Variants in RNF220 observed in about 807,000 individuals in gnomAD.
RNF220 encodes ring finger protein 220.
A neutral mutation model predicts 67.1 loss-of-function variants in RNF220; 7 were observed. That is an observed-to-expected ratio of 0.10 (90% CI 0.06 to 0.20). The LOEUF (loss-of-function observed/expected upper bound fraction) is 0.20. Ranked by LOEUF, RNF220 falls within the 10% of genes least tolerant of loss-of-function variation. The probability of loss-of-function intolerance (pLI) is 1.00; values close to 1 mark genes in which losing one functional copy is unlikely to be tolerated. For synonymous variants in RNF220, 270 were observed against 283.2 expected (o/e 0.95, Z 0.47); for missense variants, 565 against 740.3 (o/e 0.76, Z 2.75).
chr1:44,566,816 C>A (rs1241239306), intron 2 of RNF220, among the ~76,000 whole-genome samples: 1 of 152,184 alleles, frequency 6.6e-6, no homozygotes, highest in African/African-American at 2.4e-5. Context: ...CCTTGGAGGT[C>A]ACCCCAGTGA....
intron 2 of RNF220, among the ~76,000 whole-genome samples, chr1:44,472,887 C>CCTTGCCTTTCTCCCTCTGATCCTT (rs1553226533): frequency 1.3e-5 from 2 of 152,192 alleles, no homozygotes; most frequent in Admixed American, 1.3e-4. Context: ...CTCCCTGCCA[C>CCTTGCCTTTCTCCCTCTGATCCTT]CTTGCCTTTC....
rs145307491 is a variant in RNF220, at chr1:44,447,484, C to G, written c.625+34762C>G. Among the ~76,000 whole-genome samples, 501 of 152,334 alleles carry G rather than the reference C, an allele frequency of 3.3e-3. 4 individuals carry two copies. The highest frequency in any genetic ancestry group is 0.012 in the African/African-American group (485 of 41,564). ...ATGTTCTGGATTATTTAGCACCCTT[C>G]TAAATGGTCTTTTGCTTCCAGTCTT... On this transcript the variant is annotated intron_variant, in intron 2 of 14. Coordinates refer to ENST00000361799, the MANE Select transcript of RNF220 (RefSeq NM_018150.4).
At chr1:44,409,354 A>G (rs1201022259) in intron 1 of RNF220, among the ~76,000 whole-genome samples, 1 of 152,372 alleles carries the variant, frequency 6.6e-6, no homozygotes, top group East Asian at 1.9e-4. Context: ...TGTTTAGTTA[A>G]TTCAACAAAG....
At chr1:44,418,281 A>G (rs1648807646) in intron 2 of RNF220, among the ~76,000 whole-genome samples, 1 of 152,036 alleles carries the variant, frequency 6.6e-6, no homozygotes, top group Admixed American at 6.5e-5. Context: ...TTGGGGGAGC[A>G]GGGCGCGTGG....
intron 2 of RNF220, among the ~76,000 whole-genome samples, chr1:44,511,916 C>CGTGTTT (rs1553234668): frequency 6.8e-6 from 1 of 147,802 alleles, no homozygotes; most frequent in East Asian, 2.0e-4. Flanking sequence ...CGTGTGTGTG[C>CGTGTTT]GTGTGTGTGT....
intron 2 of RNF220, among the ~76,000 whole-genome samples, chr1:44,510,106 G>T (rs185475463): frequency 4.6e-5 from 7 of 151,706 alleles, no homozygotes; most frequent in Admixed American, 3.3e-4. Flanking sequence ...AGGCATAGTG[G>T]TGTGCACCTG....
intron 2 of RNF220, among the ~76,000 whole-genome samples, chr1:44,450,335 T>C (rs540429056): frequency 1.3e-5 from 2 of 152,196 alleles, no homozygotes; most frequent in African/African-American, 4.8e-5. Flanking sequence ...TTTTGAAATG[T>C]ATAGGTAAAA....
At position 44,621,690 on chromosome 1, in the gene RNF220, G is replaced by T. The variant is rs539981458; in HGVS notation, c.759-1052G>T. The stretch of plus-strand genomic sequence containing the variant: ...CTGTGGGTGTCTGAGCTCATCTGTG[G>T]ATGTTCCTTATGTCTACACTCGTTA... On this transcript the variant is annotated intron_variant, in intron 3 of 14. Transcript: ENST00000361799. The surrounding 1 kb of genome is among the most constrained non-coding windows in gnomAD (Gnocchi z 4.8). Among the ~76,000 whole-genome samples, 3 of 152,252 alleles carry T rather than the reference G, an allele frequency of 2.0e-5. No homozygotes were observed. The highest frequency in any genetic ancestry group is 3.9e-4 in the East Asian group (2 of 5,186).
intron 2 of RNF220, among the ~76,000 whole-genome samples, chr1:44,601,859 T>G: frequency 6.6e-6 from 1 of 152,228 alleles, no homozygotes; most frequent in East Asian, 1.9e-4. Flanking sequence ...TTTTGTGATT[T>G]TCCCCAGCTG....
At position 44,512,789 on chromosome 1, in the gene RNF220, G is replaced by GT. The variant is rs538678007; in HGVS notation, c.625+100068dup. Reference sequence around the variant, plus strand: ...AACCGTCTGCAGATTTCAGGAAGGTGTAACTACGGTGGAAGAAGAGCGGCT... The same window carrying GT: ...AACCGTCTGCAGATTTCAGGAAGGTGTTAACTACGGTGGAAGAAGAGCGGCT... On this transcript the variant is annotated intron_variant, in intron 2 of 14. Coordinates refer to ENST00000361799, the MANE Select transcript of RNF220 (RefSeq NM_018150.4). 2.8e-3 allele frequency among the ~76,000 whole-genome samples: 420 copies of GT among 152,294 alleles called. 7 individuals carry two copies. The highest frequency in any genetic ancestry group is 9.8e-3 in the African/African-American group (406 of 41,562).
intron 5 of RNF220, among the ~76,000 whole-genome samples, chr1:44,628,226 C>T (rs563514136): frequency 5.2e-5 from 8 of 152,382 alleles, no homozygotes; most frequent in East Asian, 3.9e-4. Context: ...TCACGGCATG[C>T]GCCTTGCCAT....
intron 2 of RNF220, among the ~76,000 whole-genome samples, chr1:44,525,378 G>T (rs1483404232): frequency 6.6e-6 from 1 of 152,216 alleles, no homozygotes; most frequent in African/African-American, 2.4e-5. Flanking sequence ...AGCGCTCAGG[G>T]CTCAGCAGAC....
intron 2 of RNF220, among the ~76,000 whole-genome samples, chr1:44,466,505 A>G (rs1654284482): frequency 6.6e-6 from 1 of 152,264 alleles, no homozygotes; most frequent in African/African-American, 2.4e-5. Context: ...TACTTTGCCC[A>G]GATCCATCGG....
At chr1:44,604,277 A>G (rs750501049) in intron 2 of RNF220, among the ~76,000 whole-genome samples, 9 of 152,190 alleles carry the variant, frequency 5.9e-5, no homozygotes, top group Admixed American at 3.3e-4. Context: ...GATATTTTCC[A>G]GAATCAGGCC....
At chr1:44,459,531 C>T (rs1653551353) in intron 2 of RNF220, among the ~76,000 whole-genome samples, 1 of 150,904 alleles carries the variant, frequency 6.6e-6, no homozygotes, top group Non-Finnish European at 1.5e-5. Context: ...AGTAGTCAGA[C>T]ACAAAATCTG....
intron 2 of RNF220, among the ~76,000 whole-genome samples, chr1:44,480,970 T>TGAG (rs1655751723): frequency 6.6e-6 from 1 of 152,180 alleles, no homozygotes; most frequent in Non-Finnish European, 1.5e-5. Flanking sequence ...GATGTACATG[T>TGAG]CTTCAGGATT....
At chr1:44,407,779 G>A (rs775177443) in intron 1 of RNF220, among the ~76,000 whole-genome samples, 2 of 152,208 alleles carry the variant, frequency 1.3e-5, no homozygotes, top group African/African-American at 4.8e-5. Flanking sequence ...CAGGAGAAGC[G>A]GGAGTGGAGG....
Position 44,417,519 on chromosome 1 carries a change from C to T in RNF220, c.625+4797C>T, listed in dbSNP as rs1362514777. Among the ~76,000 whole-genome samples, 1 of 152,160 alleles carries T rather than the reference C, an allele frequency of 6.6e-6. No individual in the cohort carries two copies. Among genetic ancestry groups the T allele is most frequent in the Non-Finnish European group, 1.5e-5 (1 of 68,036 alleles). ...CGCTGTAGTTGTGCTCCCGCTCTTC[C>T]CCTGCCCTCGCTCCACGCCGCGCCG... On this transcript the variant is annotated intron_variant, in intron 2 of 14. Transcript: ENST00000361799. The surrounding 1 kb of genome is among the most constrained non-coding windows in gnomAD (Gnocchi z 4.0).
chr1:44,559,815 A>G (rs1180750448), intron 2 of RNF220, among the ~76,000 whole-genome samples: 1 of 152,248 alleles, frequency 6.6e-6, no homozygotes, highest in African/African-American at 2.4e-5. Context: ...CTCTGCATCG[A>G]TGTCACTGTC....
Sources: gnomAD v4.1 joint callset for allele counts (sites outside exome capture counted in the v4.1 genomes callset) on GRCh38, gnomAD v4.1.1 for gene constraint, Gnocchi (gnomAD v3.1) non-coding constraint, MANE v1.5 for transcripts, NCBI Gene and HGNC (gene_info 2026-07-23, HGNC 2026-07-21) for gene names.